UBE2R2: variants seen among roughly 807,000 people sequenced by gnomAD.
UBE2R2 encodes the protein ubiquitin conjugating enzyme E2 R2.
Under a neutral mutation model 27.8 loss-of-function variants are expected in UBE2R2, and 1 was observed. The observed-to-expected ratio is 0.04, with a 90% CI of 0.01 to 0.17. The LOEUF (loss-of-function observed/expected upper bound fraction) is 0.17, where lower values mean the gene tolerates loss of function less well. Among genes scored for constraint, UBE2R2 ranks in the 10% least tolerant of loss-of-function variants. The pLI is 1.00. For synonymous variants in UBE2R2, 106 were observed against 113.3 expected, an observed-to-expected ratio of 0.94 and a Z score of 0.41; for missense variants, 100 against 291.0, an observed-to-expected ratio of 0.34 and a Z score of 4.78.
intron 1 of UBE2R2, among the ~76,000 whole-genome samples, chr9:33,877,012 C>T (rs1052513801): frequency 6.6e-6 from 1 of 151,562 alleles, no homozygotes; most frequent in African/African-American, 2.4e-5. Context: ...GGCATGTTGG[C>T]ACATGCCTGT....
intron 3 of UBE2R2, among the ~76,000 whole-genome samples, chr9:33,904,629 T>C (rs1264446757): frequency 6.6e-6 from 1 of 152,202 alleles, no homozygotes; most frequent in Admixed American, 6.5e-5. Context: ...TATTATCAGA[T>C]CTGGTGAGTA....
intron 4 of UBE2R2, 66 bp from the exon 5 acceptor site, chr9:33,916,952 G>T: frequency 1.3e-6 from 2 of 1,579,496 alleles, no homozygotes; most frequent in African/African-American, 1.4e-5. Flanking sequence ...ATTATTTAAG[G>T]CCAATTATAA....
At chr9:33,906,037 A>G (rs1055239172) in intron 3 of UBE2R2, among the ~76,000 whole-genome samples, 1 of 152,214 alleles carries the variant, frequency 6.6e-6, no homozygotes, top group African/African-American at 2.4e-5. Flanking sequence ...ATGTGCATAC[A>G]TGCATGCTTG....
At chr9:33,875,534 G>A (rs1167432661) in intron 1 of UBE2R2, among the ~76,000 whole-genome samples, 1 of 152,134 alleles carries the variant, frequency 6.6e-6, no homozygotes, top group East Asian at 1.9e-4. Context: ...TTGAGGTCTT[G>A]AGTTTGGGCA....
In UBE2R2 at chr9:33,910,764, T is replaced by G. The variant is rs753643542; in HGVS notation, c.363-1200T>G. ...TCCTTCCAAGTATGGAAAAAATACA[T>G]TTGGATGTAGCACTGTTTTTCAGGT... On this transcript the variant is annotated intron_variant, in intron 3 of 4. Transcript: ENST00000263228. Among the ~76,000 whole-genome samples, 6 of 152,340 alleles carry G rather than the reference T, an allele frequency of 3.9e-5. No individual in the cohort carries two copies. In the South Asian group the frequency reaches 8.3e-4, roughly 21 times the overall value.
At chr9:33,843,364 TAA>T (rs753178335) in intron 1 of UBE2R2, among the ~76,000 whole-genome samples, 1 of 148,828 alleles carries the variant, frequency 6.7e-6, no homozygotes, top group Non-Finnish European at 1.5e-5. Flanking sequence ...GACCTCTTTT[TAA>T]AAAAAAAATC....
At chr9:33,843,499 G>T (rs1278048642) in intron 1 of UBE2R2, among the ~76,000 whole-genome samples, 2 of 150,650 alleles carry the variant, frequency 1.3e-5, no homozygotes, top group Non-Finnish European at 3.0e-5. Flanking sequence ...TTTTTTTTGA[G>T]ATGGAGTCTG....
At chr9:33,874,203 C>T (rs192913773) in intron 1 of UBE2R2, among the ~76,000 whole-genome samples, 6 of 152,248 alleles carry the variant, frequency 3.9e-5, no homozygotes, top group Non-Finnish European at 5.9e-5. Context: ...CTGCCTCGGG[C>T]TCCCAAAGTG....
chr9:33,916,628 G>A (rs1313797307), intron 4 of UBE2R2, among the ~76,000 whole-genome samples: 2 of 152,308 alleles, frequency 1.3e-5, no homozygotes, highest in African/African-American at 2.4e-5. Context: ...AGTTATCCCT[G>A]TGCTTCACAC....
intron 1 of UBE2R2, among the ~76,000 whole-genome samples, chr9:33,832,761 C>T (rs933462245): frequency 1.3e-5 from 2 of 151,138 alleles, no homozygotes; most frequent in Non-Finnish European, 2.9e-5. Flanking sequence ...AGAATCAAAA[C>T]TTTAATTAAA....
chr9:33,919,186 T>C lies in UBE2R2; in HGVS notation c.*1949T>C, dbSNP rs1822736038. 2 of 152,178 alleles carry C rather than the reference T, an allele frequency of 1.3e-5. No homozygotes were observed. The highest frequency in any genetic ancestry group is 4.8e-5 in the African/African-American group (2 of 41,426). 9.4% of individuals were successfully genotyped at this position (152,178 alleles called of 1,614,324 possible). A position where few individuals can be genotyped will look rare whatever the true frequency, so the allele number is the denominator to read the frequency against. On this transcript the variant is annotated 3_prime_UTR_variant, in exon 5 of 5. Transcript: ENST00000263228. Reference sequence around the variant, plus strand: ...CAAGTTACCTGATTACAAACTCTCATAGATGTTGGAACTACCTTTTTACTC... The same window carrying C: ...CAAGTTACCTGATTACAAACTCTCACAGATGTTGGAACTACCTTTTTACTC...
intron 1 of UBE2R2, among the ~76,000 whole-genome samples, chr9:33,859,760 TTGTGTGTGTGTGTGTGTGTGTG>T (rs57089790): frequency 7.7e-6 from 1 of 130,614 alleles, no homozygotes; most frequent in Non-Finnish European, 1.6e-5. Flanking sequence ...TCTAAGCCTT[TTGTGTGTGTGTGTGTGTGTGTG>T]TGTGTGTGTG....
chr9:33,908,884 T>C (rs1822421533), intron 3 of UBE2R2, among the ~76,000 whole-genome samples: 2 of 152,146 alleles, frequency 1.3e-5, no homozygotes, highest in African/African-American at 4.8e-5. Context: ...TAGTCCCAGC[T>C]ACTTGGGAGG....
intron 2 of UBE2R2, among the ~76,000 whole-genome samples, chr9:33,892,909 A>AT (rs1822020326): frequency 6.7e-6 from 1 of 149,812 alleles, no homozygotes; most frequent in Admixed American, 6.6e-5. Context: ...TAACTTCCTT[A>AT]TTAAAAAAAA....
chr9:33,818,032 C>G, intron 1 of UBE2R2, 98 bp downstream of exon 1: 6 of 1,402,506 alleles, frequency 4.3e-6, no homozygotes, highest in Non-Finnish European at 5.7e-6. Context: ...TGAGCACGGG[C>G]GAGTGGAGGG....
At chr9:33,896,024 C>T (rs879544119) in intron 2 of UBE2R2, among the ~76,000 whole-genome samples, 1 of 152,118 alleles carries the variant, frequency 6.6e-6, no homozygotes, top group African/African-American at 2.4e-5. Flanking sequence ...CTGCCAGCCC[C>T]GGCCCCCCAA....
intron 1 of UBE2R2, among the ~76,000 whole-genome samples, chr9:33,819,630 T>A (rs543079945): frequency 1.4e-5 from 2 of 147,856 alleles, no homozygotes; most frequent in Admixed American, 7.0e-5. Flanking sequence ...AAATTGAATG[T>A]ATGTGATACC....
intron 1 of UBE2R2, among the ~76,000 whole-genome samples, chr9:33,864,721 A>ATT (rs532796406): frequency 1.1e-4 from 15 of 132,164 alleles, no homozygotes; most frequent in Admixed American, 1.5e-4. Context: ...CTAACTTTTA[A>ATT]TTTTTTTTTT....
chr9:33,832,883 G>GT (rs1461365981), intron 1 of UBE2R2, among the ~76,000 whole-genome samples: 12 of 151,872 alleles, frequency 7.9e-5, no homozygotes, highest in Non-Finnish European at 1.6e-4. Flanking sequence ...GTCACATTCA[G>GT]TTTTTTAAAG....
Sources: gnomAD v4.1 joint callset for allele counts (sites outside exome capture counted in the v4.1 genomes callset) on GRCh38, gnomAD v4.1.1 for gene constraint, MANE v1.5 for transcripts, NCBI Gene and HGNC (gene_info 2026-07-23, HGNC 2026-07-21) for gene names.